PRMT3: variants seen among roughly 807,000 people sequenced by gnomAD.
The protein encoded by PRMT3 is protein arginine N-methyltransferase 3.
Under a neutral mutation model 71.9 loss-of-function variants are expected in PRMT3, and 62 were observed. The ratio of observed to expected loss-of-function variants is 0.86; its 90% CI spans 0.70 to 1.07. The LOEUF (loss-of-function observed/expected upper bound fraction) is 1.07, where lower values mean the gene tolerates loss of function less well. Among genes scored for constraint, PRMT3 ranks in the 50% least tolerant of loss-of-function variants. The pLI, the probability that PRMT3 is intolerant of heterozygous loss-of-function variation, is 0.00. For synonymous variants in PRMT3, 213 were observed against 220.4 expected (o/e 0.97, Z 0.30); for missense variants, 663 against 643.0 (o/e 1.03, Z -0.34).
chr11:20,508,299 T>TA lies in PRMT3; in HGVS notation c.1487-4dup. ...TTCTTAACAATTTTTGCCTTTGTTT[T>TA]ACAGGTGAAGCCTTGAAAGGAAAGG... On this transcript the variant is annotated splice_polypyrimidine_tract_variant and splice_region_variant and intron_variant, in intron 15 of 15. Transcript: ENST00000331079. 6.3e-7 allele frequency: 1 copy of TA among 1,584,468 alleles called. No individual in the cohort carries two copies. Among genetic ancestry groups the TA allele is most frequent in the East Asian group, 2.2e-5 (1 of 44,688 alleles).
intron 11 of PRMT3, among the ~76,000 whole-genome samples, chr11:20,455,278 A>G: frequency 6.6e-6 from 1 of 152,214 alleles, no homozygotes; most frequent in East Asian, 1.9e-4. Flanking sequence ...GAATGCAGAC[A>G]GCAGGTAGAA....
intron 15 of PRMT3, among the ~76,000 whole-genome samples, chr11:20,506,598 A>G (rs543950514): frequency 2.6e-5 from 4 of 152,342 alleles, no homozygotes; most frequent in South Asian, 2.1e-4. Flanking sequence ...TTTCACTACC[A>G]TCTTGAAAAG....
intron 7 of PRMT3, among the ~76,000 whole-genome samples, chr11:20,401,940 C>T (rs1848957221): frequency 6.6e-6 from 1 of 152,134 alleles, no homozygotes; most frequent in Non-Finnish European, 1.5e-5. Context: ...GAAATTTTTA[C>T]AGACAAAACA....
intron 15 of PRMT3, among the ~76,000 whole-genome samples, chr11:20,495,004 G>T (rs1347332834): frequency 6.6e-6 from 1 of 152,098 alleles, no homozygotes; most frequent in African/African-American, 2.4e-5. Context: ...TGAGGCAGGA[G>T]GATAACTTGA....
At chr11:20,412,971 T>C (rs1033327816) in intron 9 of PRMT3, among the ~76,000 whole-genome samples, 1 of 152,164 alleles carries the variant, frequency 6.6e-6, no homozygotes, top group Non-Finnish European at 1.5e-5. Flanking sequence ...CCAGGCAGCC[T>C]GACTCCATAG....
chr11:20,445,741 T>C (rs1301285635), intron 10 of PRMT3, among the ~76,000 whole-genome samples: 1 of 152,172 alleles, frequency 6.6e-6, no homozygotes, highest in African/African-American at 2.4e-5. Flanking sequence ...TGCCTTTCTT[T>C]TTGCTGTTAC....
intron 14 of PRMT3, 88 bp downstream of exon 14, chr11:20,494,057 C>T (rs1851275425): frequency 7.0e-7 from 1 of 1,438,242 alleles, no homozygotes; most frequent in Non-Finnish European, 9.7e-7. Flanking sequence ...TAATCATAAG[C>T]ATTTTGCTGC....
rs747392510 is a variant in PRMT3, at chr11:20,388,139, G to T, written c.149G>T (p.Cys50Phe). The T allele has an allele frequency of 6.2e-7, 1 of 1,613,962 alleles. No individual in the cohort carries two copies. The highest frequency in any genetic ancestry group is 1.7e-5 in the Admixed American group (1 of 60,030). Reference sequence around the variant, plus strand: ...CCCCACGGCAAGCAGCAGACCCCCTGCCTGTTCTGTAACAGGTTCGTCCGC... The same window carrying T: ...CCCCACGGCAAGCAGCAGACCCCCTTCCTGTTCTGTAACAGGTTCGTCCGC... The part of the protein sequence containing the change: ...DLPHGKQQTP[C>F]LFCNRLFTSA... The change falls in exon 2 of 16, where the codon TGC (cysteine) becomes TTC (phenylalanine). Residue 50 changes from cysteine (C) to phenylalanine (F), a missense_variant. Physicochemically the swap from Cys to Phe is radical, Grantham distance 205 (BLOSUM62 -2). Transcript: ENST00000331079.
chr11:20,476,073 G>C (rs548499907), intron 13 of PRMT3, among the ~76,000 whole-genome samples: 1 of 152,068 alleles, frequency 6.6e-6, no homozygotes, highest in South Asian at 2.1e-4. Context: ...AACATGGCGG[G>C]GCACAGTGGC....
chr11:20,476,089 C>A (rs1046162596), intron 13 of PRMT3, among the ~76,000 whole-genome samples: 1 of 151,910 alleles, frequency 6.6e-6, no homozygotes, highest in Non-Finnish European at 1.5e-5. Flanking sequence ...GTGGCTCATG[C>A]CTGTAATTCT....
Position 20,393,011 on chromosome 11 carries a change from A to T in PRMT3, c.400+12A>T, listed in dbSNP as rs1848750640. On this transcript the variant is annotated intron_variant, in intron 5 of 15. Transcript: ENST00000331079. ...TTTACTTCAATTTGGTAAGATGAAC[A>T]TAAGTGTATCTCCTTTAATTAACAT... 2 of 1,507,848 alleles carry T rather than the reference A, an allele frequency of 1.3e-6. No individual in the cohort carries two copies. The highest frequency in any genetic ancestry group is 1.7e-5 in the Admixed American group (1 of 59,624). 93.4% of individuals were successfully genotyped at this position (1,507,848 alleles called of 1,614,324 possible).
chr11:20,441,514 A>C (rs1418054389), intron 10 of PRMT3, among the ~76,000 whole-genome samples: 4 of 151,346 alleles, frequency 2.6e-5, no homozygotes, highest in Non-Finnish European at 5.9e-5. Flanking sequence ...TCACCATGTT[A>C]GCCAGGATGG....
chr11:20,445,061 C>A (rs1849993026), intron 10 of PRMT3, among the ~76,000 whole-genome samples: 1 of 117,780 alleles, frequency 8.5e-6, no homozygotes, highest in South Asian at 3.3e-4. Context: ...TTTTCCCACC[C>A]TTTTTCTTTA....
At chr11:20,408,561 A>G (rs1849123148) in intron 9 of PRMT3, among the ~76,000 whole-genome samples, 1 of 152,194 alleles carries the variant, frequency 6.6e-6, no homozygotes, top group African/African-American at 2.4e-5. Flanking sequence ...TTCTCTAAAA[A>G]TCTCTGTCTT....
intron 5 of PRMT3, 97 bp downstream of exon 5, chr11:20,393,096 A>G: frequency 2.7e-6 from 2 of 742,330 alleles, no homozygotes; most frequent in Non-Finnish European, 4.5e-6. Context: ...CATGCTTTTT[A>G]AAATTATCTA....
intron 13 of PRMT3, among the ~76,000 whole-genome samples, chr11:20,476,787 C>G (rs1304517085): frequency 6.6e-6 from 1 of 151,752 alleles, no homozygotes; most frequent in Non-Finnish European, 1.5e-5. Flanking sequence ...TTTGATCCAT[C>G]TTTTTATCTG....
At chr11:20,474,460 C>T (rs1314118938) in intron 13 of PRMT3, among the ~76,000 whole-genome samples, 1 of 152,206 alleles carries the variant, frequency 6.6e-6, no homozygotes, top group Admixed American at 6.5e-5. Context: ...AGATCTCTGG[C>T]CTTGCCAGGA....
rs201686250 is a variant in PRMT3 at position 20,397,705 on chromosome 11, A to G, written c.689A>G (p.His230Arg). 4 of 1,613,888 alleles carry G rather than the reference A, an allele frequency of 2.5e-6. No individual in the cohort carries two copies. Among genetic ancestry groups the G allele is most frequent in the East Asian group, 2.2e-5 (1 of 44,900 alleles). ...AGCTCATACGGGCATTATGGGATAC[A>G]TGAAGAAATGCTAAAGGTTAGAAAA... ...YFSSYGHYGI[H>R]EEMLKDKIRT... The change falls in exon 7 of 16, where the codon CAT (histidine) becomes CGT (arginine). Residue 230 changes from histidine (H) to arginine (R), a missense_variant. By Grantham distance (29) the His-to-Arg change is conservative. Transcript: ENST00000331079.
At chr11:20,441,953 C>T (rs746996576) in intron 10 of PRMT3, among the ~76,000 whole-genome samples, 46 of 151,978 alleles carry the variant, frequency 3.0e-4, no homozygotes, top group East Asian at 1.9e-4. Flanking sequence ...CCACCACGCC[C>T]GGCTAATTTT....
Sources: allele counts gnomAD v4.1 joint callset (sites outside exome capture counted in the v4.1 genomes callset), GRCh38; gene constraint gnomAD v4.1.1; transcripts MANE v1.5; gene names NCBI Gene and HGNC (gene_info 2026-07-23, HGNC 2026-07-21).